The following PTK2 variants were observed in gnomAD, a reference collection of about 807,000 sequenced individuals.
The protein encoded by PTK2 is focal adhesion kinase 1.
In PTK2, 45 loss-of-function variants were observed where a neutral mutation model predicts 150.1. The observed-to-expected ratio is 0.30, with a 90% confidence interval of 0.24 to 0.38. The LOEUF is 0.38. Among genes scored for constraint, PTK2 ranks in the 10% least tolerant of loss-of-function variants. PTK2 has a pLI of 1.00. For synonymous variants in PTK2, 432 were observed against 449.2 expected (o/e 0.96, Z 0.48); for missense variants, 919 against 1,307.3 (o/e 0.70, Z 4.58).
chr8:140,818,804 A>G (rs2100106322), intron 9 of PTK2, 76 bp downstream of exon 9: 2 of 1,464,014 alleles, frequency 1.4e-6, no homozygotes, highest in Non-Finnish European at 1.8e-6. Context: ...TTTTCATCAG[A>G]AATTTAGATA....
chr8:140,717,517 C>T, intron 23 of PTK2, 81 bp downstream of exon 26: 1 of 1,077,798 alleles, frequency 9.3e-7, no homozygotes, highest in Non-Finnish European at 1.4e-6. Flanking sequence ...TGACTTTCTC[C>T]TCATAGAAAA....
At chr8:140,789,562 A>G in intron 13 of PTK2, 36 bp from the exon 14 acceptor site, 1 of 1,606,748 alleles carries the variant, frequency 6.2e-7, no homozygotes, top group Non-Finnish European at 8.5e-7. Flanking sequence ...AAGCCCTGCA[A>G]TTTCCCCAGG....
chr8:140,943,170 G>A (rs1054630212), intron 1 of PTK2, among the ~76,000 whole-genome samples: 1 of 152,028 alleles, frequency 6.6e-6, no homozygotes, highest in African/African-American at 2.4e-5. Context: ...AATACAAGTG[G>A]GTCTGTGTAA....
intron 14 of PTK2, among the ~76,000 whole-genome samples, chr8:140,774,689 G>A (rs1040345673): frequency 1.3e-5 from 2 of 152,214 alleles, no homozygotes; most frequent in Non-Finnish European, 2.9e-5. Flanking sequence ...TAAAGACCTT[G>A]CTGATAAAAC....
At chr8:140,684,372 C>G (rs2100018635) in intron 27 of PTK2, among the ~76,000 whole-genome samples, 1 of 152,254 alleles carries the variant, frequency 6.6e-6, no homozygotes, top group Non-Finnish European at 1.5e-5. Context: ...ACTGATCTGA[C>G]AGGAGGAAGA....
chr8:140,974,666 T>C (rs1177223189), intron 1 of PTK2, among the ~76,000 whole-genome samples: 1 of 152,196 alleles, frequency 6.6e-6, no homozygotes, highest in Non-Finnish European at 1.5e-5. Context: ...ACCTTTAGAG[T>C]ACACCAGATG....
At chr8:140,937,173 A>AT (rs1490675955) in intron 1 of PTK2, among the ~76,000 whole-genome samples, 1 of 152,202 alleles carries the variant, frequency 6.6e-6, no homozygotes, top group East Asian at 1.9e-4. Flanking sequence ...TAATTTGCAC[A>AT]TTTTTAAGAA....
chr8:140,994,185 T>G (rs2100196760), intron 1 of PTK2, among the ~76,000 whole-genome samples: 1 of 152,228 alleles, frequency 6.6e-6, no homozygotes, highest in Non-Finnish European at 1.5e-5. Context: ...ACATGTAAAC[T>G]TTGTAGTGAT....
intron 1 of PTK2, among the ~76,000 whole-genome samples, chr8:140,960,813 A>G (rs1009061332): frequency 1.3e-5 from 2 of 152,084 alleles, no homozygotes; most frequent in Non-Finnish European, 2.9e-5. Context: ...AAACTCTGTC[A>G]CTACTAAAAA....
intron 18 of PTK2, among the ~76,000 whole-genome samples, chr8:140,744,999 C>G (rs1020172096): frequency 2.0e-5 from 3 of 151,954 alleles, no homozygotes; most frequent in African/African-American, 7.3e-5. Flanking sequence ...ATATTTTTGA[C>G]TAACGACAAA....
chr8:140,797,122 A>G (rs953641240), intron 12 of PTK2, among the ~76,000 whole-genome samples: 1 of 115,754 alleles, frequency 8.6e-6, no homozygotes, highest in African/African-American at 4.3e-5. Context: ...CCAATTTACA[A>G]TGACACAATC....
intron 15 of PTK2, 124 bp from the exon 18 acceptor site, chr8:140,762,512 A>C (rs540371741): frequency 8.3e-5 from 28 of 336,322 alleles, no homozygotes; most frequent in African/African-American, 5.1e-4. Flanking sequence ...AAATATTTTA[A>C]GCACAAATAT....
At chr8:140,710,918 G>T (rs2100036448) in intron 23 of PTK2, among the ~76,000 whole-genome samples, 1 of 152,126 alleles carries the variant, frequency 6.6e-6, no homozygotes, top group Non-Finnish European at 1.5e-5. Context: ...TGAACAGCAG[G>T]ATTTGTTTCA....
intron 10 of PTK2, among the ~76,000 whole-genome samples, chr8:140,805,075 A>G (rs9644448): frequency 0.17 from 25,928 of 152,022 alleles, 2,632 homozygotes; most frequent in East Asian, 0.48. Context: ...CCATGGCAAA[A>G]CAAATACCAT....
chr8:140,911,083 G>A (rs1197183656), intron 2 of PTK2, among the ~76,000 whole-genome samples: 4 of 150,420 alleles, frequency 2.7e-5, no homozygotes, highest in Middle Eastern at 3.4e-3. Flanking sequence ...TAAAGCCGGA[G>A]TCTTGCCATA....
intron 18 of PTK2, 26 bp from the exon 22 acceptor site, chr8:140,744,793 A>G (rs941538400): frequency 4.6e-6 from 6 of 1,304,542 alleles, no homozygotes; most frequent in Admixed American, 4.3e-5. Flanking sequence ...CCAAAAGAAA[A>G]AAAAAAAAAA....
At chr8:140,998,622 C>T (rs1007430365) in intron 1 of PTK2, among the ~76,000 whole-genome samples, 1 of 151,652 alleles carries the variant, frequency 6.6e-6, no homozygotes, top group East Asian at 1.9e-4. Context: ...ATCGAGACCA[C>T]CCTGGCTAAC....
chr8:140,833,859 CA>C lies in PTK2; in HGVS notation c.594-3334del, dbSNP rs1207378669. Among the ~76,000 whole-genome samples the C allele has an allele frequency of 2.0e-5, 3 of 152,252 alleles. No homozygotes were observed. The East Asian group carries it at 5.8e-4, about 29-fold the overall frequency. Reference sequence around the variant, plus strand: ...CCAAACCCCAATTCCCAAACCCAAGCATCAGTTTATTAGATTCCCACATCAG... The same window carrying C: ...CCAAACCCCAATTCCCAAACCCAAGCTCAGTTTATTAGATTCCCACATCAG... On this transcript the variant is annotated intron_variant, in intron 7 of 31. Transcript: ENST00000522684.
chr8:140,961,458 G>A (rs554332499), intron 1 of PTK2, among the ~76,000 whole-genome samples: 12 of 152,088 alleles, frequency 7.9e-5, no homozygotes, highest in South Asian at 2.1e-4. Flanking sequence ...TCAGGAGATC[G>A]AGACCGTCCT....
Sources: allele counts gnomAD v4.1 joint callset (sites outside exome capture counted in the v4.1 genomes callset), GRCh38; gene constraint gnomAD v4.1.1; transcripts MANE v1.5; gene names NCBI Gene and HGNC (gene_info 2026-07-23, HGNC 2026-07-21).